The following OPRM1 variants were observed in gnomAD, a reference collection of about 807,000 sequenced individuals.
OPRM1 encodes the protein mu-type opioid receptor.
OPRM1 carries 27 observed loss-of-function variants against 31.8 expected under a neutral mutation model. That is an observed-to-expected ratio of 0.85 (90% CI 0.63 to 1.17). OPRM1 has a LOEUF of 1.17. Among genes scored for constraint, OPRM1 ranks in the 50% most tolerant of loss-of-function variants. OPRM1 has a pLI of 0.00. For synonymous variants in OPRM1, 196 were observed against 189.9 expected, an observed-to-expected ratio of 1.03 and a Z score of -0.26; for missense variants, 536 against 511.1, an observed-to-expected ratio of 1.05 and a Z score of -0.47.
chr6:154,172,086 C>T (rs62434770), intron 3 of OPRM1, among the ~76,000 whole-genome samples: 7,476 of 152,174 alleles, frequency 0.049, 305 homozygotes, highest in South Asian at 0.19. Context: ...AACAACTTAC[C>T]AATTGAGCCA....
chr6:154,227,251 A>G (rs1220932096), intron 3 of OPRM1, among the ~76,000 whole-genome samples: 1 of 152,038 alleles, frequency 6.6e-6, no homozygotes, highest in African/African-American at 2.4e-5. Flanking sequence ...AAAAAAATAA[A>G]AAACAATAGT....
downstream of OPRM1, among the ~76,000 whole-genome samples, chr6:154,133,209 C>G (rs139652113): frequency 2.1e-3 from 324 of 152,160 alleles, no homozygotes; most frequent in African/African-American, 7.4e-3. Flanking sequence ...TTTACAAGGG[C>G]CTTTTGAAAA....
intron 3 of OPRM1, among the ~76,000 whole-genome samples, chr6:154,142,908 A>G (rs889293158): frequency 1.3e-5 from 2 of 152,120 alleles, no homozygotes; most frequent in Non-Finnish European, 2.9e-5. Context: ...GCCTCATCTG[A>G]GGTTCCCCCA....
Position 154,016,830 on chromosome 6 carries a change from C to T in OPRM1, c.-1+5812C>T, listed in dbSNP as rs79582093. 1.6e-3 allele frequency among the ~76,000 whole-genome samples: 238 copies of T among 152,242 alleles called. No homozygotes were observed. In the East Asian group the frequency reaches 0.017, roughly 11 times the overall value. On this transcript the variant is annotated intron_variant, in intron 1 of 5. Coordinates refer to the OPRM1 transcript ENST00000434900. ...AGCTCCAGTATACAGCAGAAAGAGA[C>T]GGAGTCTGGTGGAGAGTTTCTCAAT...
rs1040558174 is a variant in OPRM1, at chr6:154,012,671, G to A, written c.-1+1653G>A. 1.5e-4 allele frequency among the ~76,000 whole-genome samples: 23 copies of A among 152,230 alleles called. 1 individual carries two copies. The highest frequency in any genetic ancestry group is 1.2e-3 in the Admixed American group (19 of 15,282). Reference sequence around the variant, plus strand: ...AAAGTTAAAATAGGGTCTATGACATGTTTTCTAAAAATGAATGAAATGTGG... The same window carrying A: ...AAAGTTAAAATAGGGTCTATGACATATTTTCTAAAAATGAATGAAATGTGG... On this transcript the variant is annotated intron_variant, in intron 1 of 5. Transcript: ENST00000434900.
At chr6:154,025,170 C>T (rs940874161) in intron 1 of OPRM1, among the ~76,000 whole-genome samples, 1 of 151,972 alleles carries the variant, frequency 6.6e-6, no homozygotes, top group Non-Finnish European at 1.5e-5. Flanking sequence ...CTTTAGCTCT[C>T]ATAATACTTG....
intron 3 of OPRM1, among the ~76,000 whole-genome samples, chr6:154,140,776 T>C (rs962947973): frequency 7.2e-5 from 11 of 152,194 alleles, no homozygotes; most frequent in African/African-American, 2.7e-4. Context: ...ATTGACGGCC[T>C]GGCAGGAGAA....
chr6:154,112,008 G>A (rs962958245), intron 3 of OPRM1, among the ~76,000 whole-genome samples: 8 of 152,032 alleles, frequency 5.3e-5, no homozygotes, highest in East Asian at 3.9e-4. Flanking sequence ...CTTGTGATCC[G>A]CCCGCCTCGG....
At chr6:154,246,730 G>A (rs1781072329) in exon 4 of OPRM1, 3 of 1,613,806 alleles carry the variant, frequency 1.9e-6, no homozygotes, top group East Asian at 2.2e-5. Context: ...ATCTTTACAC[G>A]ATATCCTCCT....
At chr6:154,091,735 C>CT in intron 3 of OPRM1, 1 of 1,203,156 alleles carries the variant, frequency 8.3e-7, no homozygotes, top group South Asian at 3.1e-5. Flanking sequence ...ATGGCCTTTA[C>CT]TTCTATGCAA....
chr6:154,031,325 T>C (rs1778993160), intron 1 of OPRM1, among the ~76,000 whole-genome samples: 1 of 151,924 alleles, frequency 6.6e-6, no homozygotes, highest in Non-Finnish European at 1.5e-5. Flanking sequence ...CACCAAACCA[T>C]GGAGTCTACA....
intron 1 of OPRM1, among the ~76,000 whole-genome samples, chr6:154,076,398 T>C (rs982890974): frequency 1.3e-5 from 2 of 152,162 alleles, no homozygotes; most frequent in Non-Finnish European, 2.9e-5. Flanking sequence ...CTAATAAAAA[T>C]GGTCAAAAAA....
intron 3 of OPRM1, among the ~76,000 whole-genome samples, chr6:154,223,790 C>T (rs1779046577): frequency 6.6e-6 from 1 of 152,188 alleles, no homozygotes; most frequent in Admixed American, 6.5e-5. Context: ...AACATTATTT[C>T]CTCTCCCAAG....
intron 1 of OPRM1, chr6:154,083,504 C>T (rs1789648789): frequency 2.0e-5 from 3 of 152,200 alleles, no homozygotes; most frequent in Admixed American, 2.0e-4. Flanking sequence ...CATCATGGTT[C>T]TGAGAAAGCA....
chr6:154,090,043 G>A lies in OPRM1; in HGVS notation c.508G>A (p.Ala170Thr). 6.2e-7 allele frequency: 1 copy of A among 1,613,964 alleles called. No individual in the cohort carries two copies. The highest frequency in any genetic ancestry group is 1.1e-5 in the South Asian group (1 of 91,076). Residue 170 changes from alanine to threonine, a missense_variant, in exon 2 of 4, where the codon GCA becomes ACA. Ala to Thr is a moderately conservative substitution (Grantham distance 58). Coordinates refer to ENST00000330432, the MANE Select transcript of OPRM1 (RefSeq NM_000914.5). ...CACCATGAGTGTTGATCGATACATT[G>A]CAGTCTGCCACCCTGTCAAGGCCTT... ...LCTMSVDRYI[A>T]VCHPVKALDF...
At chr6:154,104,740 C>G (rs769837395) in intron 3 of OPRM1, among the ~76,000 whole-genome samples, 1 of 152,158 alleles carries the variant, frequency 6.6e-6, no homozygotes, top group Non-Finnish European at 1.5e-5. Context: ...TAAAGTGCAG[C>G]AAGAATAATT....
Position 154,203,146 on chromosome 6 carries a change from C to G in OPRM1, c.1165-43547C>G, listed in dbSNP as rs143060479. On this transcript the variant is annotated intron_variant, in intron 3 of 3. Transcript: ENST00000337049. ...TAGCTCACTGCCTTCTGTGAACCAT[C>G]TGTGCAACATACTCATAAAGCTCCC... Among the ~76,000 whole-genome samples, 1,007 of 152,294 alleles carry G rather than the reference C, an allele frequency of 6.6e-3. 4 individuals are homozygous for G. The highest frequency in any genetic ancestry group is 0.021 in the African/African-American group (883 of 41,560).
chr6:154,044,646 AAAAT>A (rs1328500432), intron 1 of OPRM1, among the ~76,000 whole-genome samples: 1 of 151,370 alleles, frequency 6.6e-6, no homozygotes, highest in Admixed American at 6.8e-5. Flanking sequence ...TGCTGCAAAA[AAAAT>A]AAATCGGTTA....
At chr6:154,140,479 T>A (rs532424762) in intron 3 of OPRM1, among the ~76,000 whole-genome samples, 2 of 152,280 alleles carry the variant, frequency 1.3e-5, no homozygotes, top group African/African-American at 4.8e-5. Context: ...TACAGGCGTG[T>A]GCCACCACAC....
Sources: allele counts gnomAD v4.1 joint callset (sites outside exome capture counted in the v4.1 genomes callset), GRCh38; gene constraint gnomAD v4.1.1; transcripts MANE v1.5; gene names NCBI Gene and HGNC (gene_info 2026-07-23, HGNC 2026-07-21).